ANGPT1: variants seen among roughly 807,000 people sequenced by gnomAD.
ANGPT1 encodes angiopoietin-1.
Under a neutral mutation model 62.2 loss-of-function variants are expected in ANGPT1, and 17 were observed. The observed-to-expected ratio is 0.27, with a 90% confidence interval of 0.19 to 0.41. The LOEUF (loss-of-function observed/expected upper bound fraction) is 0.41. Among genes scored for constraint, ANGPT1 ranks in the 10% least tolerant of loss-of-function variants. The pLI, the probability that ANGPT1 is intolerant of heterozygous loss-of-function variation, is 1.00. For synonymous variants in ANGPT1, 199 were observed against 198.9 expected (o/e 1.00, Z 0.00); for missense variants, 478 against 594.9 (o/e 0.80, Z 2.04).
chr8:107,269,672 A>G (rs897641418), intron 7 of ANGPT1, among the ~76,000 whole-genome samples: 2 of 152,028 alleles, frequency 1.3e-5, no homozygotes, highest in African/African-American at 4.8e-5. Flanking sequence ...ATGTTCCTCC[A>G]GAAAAAAACA....
intron 4 of ANGPT1, among the ~76,000 whole-genome samples, chr8:107,311,226 A>C (rs967671704): frequency 6.8e-6 from 1 of 146,944 alleles, no homozygotes; most frequent in Non-Finnish European, 1.5e-5. Context: ...AGAAATGATA[A>C]GAATTTGGGC....
chr8:107,324,746 A>C (rs1488016102), intron 3 of ANGPT1, among the ~76,000 whole-genome samples: 1 of 152,162 alleles, frequency 6.6e-6, no homozygotes, highest in Non-Finnish European at 1.5e-5. Context: ...AGACTCTACT[A>C]ATTTATAATA....
chr8:107,436,576 A>G (rs1244522606), intron 1 of ANGPT1, among the ~76,000 whole-genome samples: 2 of 152,088 alleles, frequency 1.3e-5, no homozygotes, highest in Non-Finnish European at 2.9e-5. Context: ...CTGCGGATCT[A>G]TTTATACTCT....
intron 1 of ANGPT1, among the ~76,000 whole-genome samples, chr8:107,425,456 C>A (rs1184450134): frequency 2.0e-5 from 3 of 152,150 alleles, no homozygotes; most frequent in Non-Finnish European, 4.4e-5. Flanking sequence ...AAGAGCCCCA[C>A]ATGTATGAAA....
chr8:107,481,166 T>TG (rs1160220913), intron 1 of ANGPT1, among the ~76,000 whole-genome samples: 4 of 152,126 alleles, frequency 2.6e-5, no homozygotes, highest in Non-Finnish European at 5.9e-5. Flanking sequence ...AGACTTTCCA[T>TG]GAAAAAGCAT....
At chr8:107,301,820 T>C (rs1414361758) in intron 5 of ANGPT1, among the ~76,000 whole-genome samples, 1 of 151,826 alleles carries the variant, frequency 6.6e-6, no homozygotes, top group African/African-American at 2.4e-5. Context: ...AGAGCTAACA[T>C]AAACAACTAT....
chr8:107,443,547 G>A (rs1811532217), intron 1 of ANGPT1, among the ~76,000 whole-genome samples: 1 of 151,732 alleles, frequency 6.6e-6, no homozygotes, highest in Admixed American at 6.6e-5. Context: ...GGTGGCTCAC[G>A]CCGGTAATCC....
chr8:107,252,911 T>C (rs985417586), intron 8 of ANGPT1, among the ~76,000 whole-genome samples: 22 of 152,214 alleles, frequency 1.4e-4, no homozygotes, highest in African/African-American at 5.1e-4. Context: ...ATATTTTTTA[T>C]TTGGATACAG....
intron 1 of ANGPT1, among the ~76,000 whole-genome samples, chr8:107,432,090 A>G (rs990535792): frequency 7.2e-5 from 11 of 152,146 alleles, no homozygotes; most frequent in African/African-American, 2.2e-4. Context: ...CTGTGTGACA[A>G]AAGAATTGAT....
intron 6 of ANGPT1, among the ~76,000 whole-genome samples, chr8:107,285,840 C>A (rs1458281344): frequency 6.6e-6 from 1 of 151,866 alleles, no homozygotes; most frequent in African/African-American, 2.4e-5. Flanking sequence ...GTTTCACTGG[C>A]CATGTTGTGA....
intron 1 of ANGPT1, among the ~76,000 whole-genome samples, chr8:107,479,586 T>C (rs1812622253): frequency 6.6e-6 from 1 of 152,184 alleles, no homozygotes; most frequent in South Asian, 2.1e-4. Flanking sequence ...AGATCACCAG[T>C]CAGCCATGCT....
At chr8:107,299,798 ATAT>A (rs1563557177) in intron 5 of ANGPT1, among the ~76,000 whole-genome samples, 3,144 of 108,344 alleles carry the variant, frequency 0.029, 27 homozygotes, top group South Asian at 0.047. Flanking sequence ...ATATGTAGTT[ATAT>A]CTAGATATAC....
intron 6 of ANGPT1, among the ~76,000 whole-genome samples, chr8:107,290,724 A>C (rs192180785): frequency 3.2e-4 from 48 of 152,336 alleles, no homozygotes; most frequent in African/African-American, 1.1e-3. Context: ...CATTCATCTG[A>C]TAAATGTTTC....
chr8:107,264,528 A>C (rs975864585), intron 7 of ANGPT1, among the ~76,000 whole-genome samples, 177 bp from the exon 8 acceptor site: 1 of 152,192 alleles, frequency 6.6e-6, no homozygotes, highest in African/African-American at 2.4e-5. Context: ...AAGGAAGGAA[A>C]AAGTTTATTT....
In ANGPT1 at chr8:107,497,581, C is replaced by A; in HGVS notation, c.-23G>T. ...CATTGTACTGCCAGCACACTCCTTC[C>A]GTGCCTCTCGCAAAACTTGCTCCTT... On this transcript the variant is annotated 5_prime_UTR_variant, in exon 1 of 9. Coordinates refer to ENST00000517746, the MANE Select transcript of ANGPT1 (RefSeq NM_001146.5). The A allele has an allele frequency of 6.2e-7, 1 of 1,600,306 alleles. No homozygotes were observed. Among genetic ancestry groups the A allele is most frequent in the East Asian group, 2.2e-5 (1 of 44,520 alleles).
Position 107,255,787 on chromosome 8 carries a change from T to TAAA in ANGPT1, c.1337-3775_1337-3773dup, listed in dbSNP as rs140480032. ...TAAGATAATGCACTATTACAGCCTG[T>TAAA]AAAATCCTACTAAAGTGCCAGCTGT... is the stretch of plus-strand genomic sequence containing the variant. On this transcript the variant is annotated intron_variant, in intron 8 of 8. Coordinates refer to ENST00000517746, the MANE Select transcript of ANGPT1 (RefSeq NM_001146.5). Among the ~76,000 whole-genome samples the TAAA allele has an allele frequency of 6.4e-3, 979 of 152,106 alleles. 11 individuals carry two copies. Among genetic ancestry groups the TAAA allele is most frequent in the African/African-American group, 0.022 (915 of 41,490 alleles).
chr8:107,355,081 T>A (rs1375145427), intron 1 of ANGPT1, among the ~76,000 whole-genome samples: 1 of 148,144 alleles, frequency 6.8e-6, no homozygotes, highest in Non-Finnish European at 1.5e-5. Flanking sequence ...TTTGTTTTTT[T>A]AGTAGAGACA....
At chr8:107,449,081 T>C (rs930908294) in intron 1 of ANGPT1, among the ~76,000 whole-genome samples, 1 of 152,068 alleles carries the variant, frequency 6.6e-6, no homozygotes. Flanking sequence ...CCTTTAGCCA[T>C]GTCTAGTCAA....
chr8:107,398,463 T>C (rs1816978980), intron 1 of ANGPT1, among the ~76,000 whole-genome samples: 1 of 150,958 alleles, frequency 6.6e-6, no homozygotes, highest in Non-Finnish European at 1.5e-5. Context: ...AAAATTCTTT[T>C]AAAATTTAAA....
Sources: allele counts gnomAD v4.1 joint callset (sites outside exome capture counted in the v4.1 genomes callset), GRCh38; gene constraint gnomAD v4.1.1; transcripts MANE v1.5; gene names NCBI Gene and HGNC (gene_info 2026-07-23, HGNC 2026-07-21).